Variants in PRDM10 observed in about 807,000 individuals in gnomAD.
The protein encoded by PRDM10 is PR/SET domain 10.
In PRDM10, 65 loss-of-function variants were observed where a neutral mutation model predicts 133.1. The ratio of observed to expected loss-of-function variants is 0.49; its 90% CI spans 0.40 to 0.60. PRDM10 has a LOEUF of 0.60. Ranked by LOEUF, PRDM10 falls within the 20% of genes least tolerant of loss-of-function variation. The probability of loss-of-function intolerance (pLI) is 0.00; values close to 1 mark genes in which losing one functional copy is unlikely to be tolerated. For missense variants in PRDM10, 1,137 were observed against 1,507.1 expected (o/e 0.75, Z 4.07); for synonymous variants, 582 against 580.4 (o/e 1.00, Z -0.04).
intron 1 of PRDM10, among the ~76,000 whole-genome samples, chr11:129,967,656 C>A (rs774694969): frequency 7.2e-5 from 11 of 152,118 alleles, no homozygotes; most frequent in Non-Finnish European, 1.3e-4. Flanking sequence ...AATCTCTGCT[C>A]CCAGAGAACT....
At position 129,945,028 on chromosome 11, in the gene PRDM10, A is replaced by G; in HGVS notation, c.521-16T>C. The G allele has an allele frequency of 6.2e-7, 1 of 1,607,758 alleles. No homozygotes were observed. The highest frequency in any genetic ancestry group is 1.3e-5 in the African/African-American group (1 of 74,650). ...TCCTCACACCCTGCAAAAGAGAGAC[A>G]GTCTTGAAGAAAAGTCCAATTCCTC... On this transcript the variant is annotated splice_polypyrimidine_tract_variant and intron_variant, in intron 5 of 20. Transcript: ENST00000360871. This position sits in a 1 kb window ranked among gnomAD's most constrained non-coding sequence, Gnocchi z 4.2.
At chr11:129,957,607 G>C (rs1042843423) in intron 3 of PRDM10, 139 bp downstream of exon 3, 22 of 1,042,558 alleles carry the variant, frequency 2.1e-5, no homozygotes, top group Non-Finnish European at 2.9e-5. Context: ...ATGAGCCACC[G>C]CGCCTGGCTG....
chr11:129,948,722 T>C (rs1951498957), intron 4 of PRDM10, among the ~76,000 whole-genome samples: 1 of 152,226 alleles, frequency 6.6e-6, no homozygotes, highest in Admixed American at 6.5e-5. Flanking sequence ...AAAACCCTAA[T>C]TCATTCAGTC....
chr11:129,933,145 G>C (rs1292696444), intron 9 of PRDM10, among the ~76,000 whole-genome samples: 1 of 152,142 alleles, frequency 6.6e-6, no homozygotes, highest in East Asian at 1.9e-4. Flanking sequence ...TATGTATGTG[G>C]GAAGTGTACA....
At chr11:129,978,720 G>A (rs1249296655) in intron 1 of PRDM10, among the ~76,000 whole-genome samples, 4 of 152,152 alleles carry the variant, frequency 2.6e-5, no homozygotes, top group Non-Finnish European at 4.4e-5. Flanking sequence ...GTGCACAAAG[G>A]GCTGCAGAGA....
chr11:129,935,464 C>T (rs1950999654), intron 8 of PRDM10, among the ~76,000 whole-genome samples: 1 of 152,168 alleles, frequency 6.6e-6, no homozygotes. Flanking sequence ...CCTCACATCA[C>T]CCTCTCACAG....
At chr11:129,951,833 A>T (rs1380371064) in intron 4 of PRDM10, among the ~76,000 whole-genome samples, 1 of 152,178 alleles carries the variant, frequency 6.6e-6, no homozygotes. Flanking sequence ...TTTCTTAAGG[A>T]CGGGGGAATG....
At chr11:129,965,748 A>AT (rs201172676) in intron 1 of PRDM10, among the ~76,000 whole-genome samples, 15,591 of 151,536 alleles carry the variant, frequency 0.1, 959 homozygotes, top group African/African-American at 0.17. Flanking sequence ...CAAAAAAAAA[A>AT]ATATATATAT....
chr11:129,909,605 C>T (rs1365906547), intron 19 of PRDM10, among the ~76,000 whole-genome samples: 1 of 152,176 alleles, frequency 6.6e-6, no homozygotes, highest in African/African-American at 2.4e-5. Flanking sequence ...AATACCGACC[C>T]TTTCCCTTCT....
At chr11:129,922,413 C>G (rs1950545845) in intron 13 of PRDM10, among the ~76,000 whole-genome samples, 1 of 152,136 alleles carries the variant, frequency 6.6e-6, no homozygotes, top group Admixed American at 6.6e-5. Flanking sequence ...CTACGGAATT[C>G]TAAATTGTGC....
At position 129,918,996 on chromosome 11, in the gene PRDM10, AGAG is replaced by A. The variant is rs1950441929; in HGVS notation, c.2035-281_2035-279del. ...GAGAATAAAGACTGTGCATTTATGT[AGAG>A]GAGATTAAAGAGAACACGGAACAAG... On this transcript the variant is annotated intron_variant, in intron 13 of 20. Transcript: ENST00000360871. This position sits in a 1 kb window ranked among gnomAD's most constrained non-coding sequence, Gnocchi z 5.3. Among the ~76,000 whole-genome samples the A allele has an allele frequency of 6.6e-6, 1 of 152,226 alleles. No individual in the cohort carries two copies. The highest frequency in any genetic ancestry group is 2.4e-5 in the African/African-American group (1 of 41,466).
chr11:129,956,088 C>G lies in PRDM10; in HGVS notation c.235-517G>C, dbSNP rs187575244. ...AGGAAAATAAATTGAACTTAATGTT[C>G]CATGAGTTCTTTTCTACATAGTCAG... On this transcript the variant is annotated intron_variant, in intron 3 of 20. Transcript: ENST00000360871. 3.4e-3 allele frequency among the ~76,000 whole-genome samples: 518 copies of G among 152,100 alleles called. 2 individuals carry two copies. Among genetic ancestry groups the G allele is most frequent in the African/African-American group, 0.012 (486 of 41,468 alleles).
intron 11 of PRDM10, among the ~76,000 whole-genome samples, chr11:129,927,769 G>C (rs1296179771): frequency 2.0e-5 from 3 of 152,074 alleles, no homozygotes; most frequent in Admixed American, 2.0e-4. Flanking sequence ...ATATTACAAG[G>C]TCGTAAAAAT....
At position 129,910,594 on chromosome 11, in the gene PRDM10, G is replaced by A. The variant is rs1469967146; in HGVS notation, c.3045C>T (p.His1015=). The A allele has an allele frequency of 2.5e-6, 4 of 1,613,866 alleles. No homozygotes were observed. Among genetic ancestry groups the A allele is most frequent in the Non-Finnish European group, 2.5e-6 (3 of 1,179,850 alleles). Residue 1015 remains histidine (H), a synonymous_variant, in exon 19 of 21, where the codon CAC becomes CAT. Coordinates refer to ENST00000360871, the MANE Select transcript of PRDM10 (RefSeq NM_199437.2). ...CCTGTGTGGAAGAACTGCCCTGGAT[G>A]TGGGAGGGGCTGAGCCCCTGCTGAG... ...QQAQQGLSPS[H]IQGSSSTQGQ...
At chr11:129,911,965 A>G in intron 18 of PRDM10, 120 bp downstream of exon 18, 1 of 1,292,858 alleles carries the variant, frequency 7.7e-7, no homozygotes, top group Non-Finnish European at 1.0e-6. Context: ...CCTTTAATAA[A>G]AATCCAAAAA....
intron 20 of PRDM10, among the ~76,000 whole-genome samples, chr11:129,904,357 TC>T (rs772251807): frequency 9.9e-5 from 15 of 152,156 alleles, no homozygotes; most frequent in Non-Finnish European, 2.1e-4. Context: ...AACATATCCA[TC>T]AACTCATGCA....
At chr11:129,977,857 T>C (rs991451837) in intron 1 of PRDM10, among the ~76,000 whole-genome samples, 3 of 151,816 alleles carry the variant, frequency 2.0e-5, no homozygotes, top group Admixed American at 2.0e-4. Flanking sequence ...GTCGGGAGGC[T>C]GAAGTGGGAG....
intron 1 of PRDM10, among the ~76,000 whole-genome samples, chr11:129,988,354 T>A (rs1392295591): frequency 4.6e-5 from 7 of 152,172 alleles, no homozygotes; most frequent in South Asian, 2.1e-4. Flanking sequence ...ATTTTATTTT[T>A]AAATTTTTAT....
intron 1 of PRDM10, among the ~76,000 whole-genome samples, chr11:129,978,591 C>T (rs1403949519): frequency 3.3e-5 from 5 of 152,214 alleles, no homozygotes; most frequent in Admixed American, 6.5e-5. Flanking sequence ...TGAAGCCCGT[C>T]GGGCAGGTCT....
Sources: gnomAD v4.1 joint callset for allele counts (sites outside exome capture counted in the v4.1 genomes callset) on GRCh38, gnomAD v4.1.1 for gene constraint, Gnocchi (gnomAD v3.1) non-coding constraint, MANE v1.5 for transcripts, NCBI Gene and HGNC (gene_info 2026-07-23, HGNC 2026-07-21) for gene names.